The following ORC5 variants were observed in gnomAD, a reference collection of about 807,000 sequenced individuals.
The protein encoded by ORC5 is origin recognition complex subunit 5, also known as protein phosphatase 1, regulatory subunit 117.
A neutral mutation model predicts 58.8 loss-of-function variants in ORC5; 39 were observed. The observed-to-expected ratio is 0.66, with a 90% CI of 0.51 to 0.87. ORC5 has a LOEUF of 0.87. Ranked by LOEUF, ORC5 falls within the 40% of genes least tolerant of loss-of-function variation. ORC5 has a pLI of 0.00. For missense variants in ORC5, 493 were observed against 506.3 expected, an observed-to-expected ratio of 0.97 and a Z score of 0.25; for synonymous variants, 218 against 177.6, an observed-to-expected ratio of 1.23 and a Z score of -1.81.
intron 8 of ORC5, among the ~76,000 whole-genome samples, chr7:104,172,699 G>A (rs933927519): frequency 6.6e-6 from 1 of 152,052 alleles, no homozygotes; most frequent in Non-Finnish European, 1.5e-5. Flanking sequence ...ATCTTCTAAG[G>A]ACTGTTAGAG....
At chr7:104,165,188 A>T (rs764318827) in intron 11 of ORC5, 47 bp downstream of exon 11, 1 of 938,324 alleles carries the variant, frequency 1.1e-6, no homozygotes, top group Non-Finnish European at 1.6e-6. Context: ...TTCCTATATT[A>T]TCTTCATTTC....
At chr7:104,150,080 A>T (rs1317042080) in intron 12 of ORC5, among the ~76,000 whole-genome samples, 2 of 152,120 alleles carry the variant, frequency 1.3e-5, no homozygotes, top group Non-Finnish European at 1.5e-5. Flanking sequence ...TCTGAGAGGC[A>T]GCTACTAACA....
In ORC5 at chr7:104,207,825, T is replaced by C. The variant is rs527372092; in HGVS notation, c.72+8A>G. ...TCCAGGATCTGGAAGACAGTTTAAC[T>C]ACAATACCTCTCCAAACAAGGACTG... On this transcript the variant is annotated splice_region_variant and intron_variant, in intron 1 of 13. Coordinates refer to ENST00000297431, the MANE Select transcript of ORC5 (RefSeq NM_002553.4). 1.9e-6 allele frequency: 3 copies of C among 1,612,772 alleles called. No individual in the cohort carries two copies. Among genetic ancestry groups the C allele is most frequent in the Non-Finnish European group, 2.5e-6 (3 of 1,178,782 alleles).
chr7:104,190,073 AC>A (rs1252926018), intron 5 of ORC5, among the ~76,000 whole-genome samples: 1 of 152,090 alleles, frequency 6.6e-6, no homozygotes, highest in Non-Finnish European at 1.5e-5. Flanking sequence ...GAACAAAAAT[AC>A]CCCACACATT....
intron 12 of ORC5, among the ~76,000 whole-genome samples, chr7:104,154,321 A>C (rs907902301): frequency 6.6e-6 from 1 of 152,064 alleles, no homozygotes; most frequent in African/African-American, 2.4e-5. Context: ...AATATTCAAC[A>C]AACAGGTTTG....
intron 3 of ORC5, among the ~76,000 whole-genome samples, chr7:104,198,926 G>A (rs745630352): frequency 2.0e-5 from 3 of 152,202 alleles, no homozygotes; most frequent in African/African-American, 4.8e-5. Context: ...GGCTAAAAGG[G>A]GCCAGCGTAT....
rs779915853 is a variant in ORC5, at chr7:104,161,175, T to C, written c.1046A>G (p.Asn349Ser). Residue 349 changes from asparagine to serine, a missense_variant, in exon 12 of 14, where the codon AAT (asparagine) becomes AGT (serine). This residue lies in a region of ORC5 where 4 missense variants were observed against 16.6 expected (regional missense o/e 0.24). Coordinates refer to ENST00000297431, the MANE Select transcript of ORC5 (RefSeq NM_002553.4). ...NFLKKHEKTS[N>S]HLLGPKPFPL... is the part of the protein sequence containing the mutation. The stretch of plus-strand genomic sequence containing the variant: ...AAATGGTTTTGGCCCAAGGAGATGA[T>C]TGCTTGTCTGTAAAAAACAAAACAA... 12 of 1,570,700 alleles carry C rather than the reference T, an allele frequency of 7.6e-6. No individual in the cohort carries two copies. The highest frequency in any genetic ancestry group is 4.1e-5 in the African/African-American group (3 of 73,928).
intron 11 of ORC5, among the ~76,000 whole-genome samples, chr7:104,161,748 T>C (rs1799029155): frequency 6.6e-6 from 1 of 152,190 alleles, no homozygotes; most frequent in Non-Finnish European, 1.5e-5. Context: ...TCAACAAATA[T>C]TAATTAAAGA....
chr7:104,197,760 T>C lies in ORC5; in HGVS notation c.406A>G (p.Asn136Asp). 6.3e-7 allele frequency: 1 copy of C among 1,599,990 alleles called. No individual in the cohort carries two copies. The highest frequency in any genetic ancestry group is 8.5e-7 in the Non-Finnish European group (1 of 1,174,642). ...AATCTAAGAAATCCAGGCAAAAGAT[T>C]TGCTTCCATATCTCTTAGATACTCT... ...KAEYLRDMEA[N>D]LLPGFLRLQE... The change falls in exon 4 of 14, where the codon AAT becomes GAT. Residue 136 changes from asparagine to aspartate, a missense_variant. This residue lies in a region of ORC5 where 412 missense variants were observed against 403.7 expected (regional missense o/e 1.02). Coordinates refer to ENST00000297431, the MANE Select transcript of ORC5 (RefSeq NM_002553.4).
intron 2 of ORC5, chr7:104,202,498 A>T (rs556097508): frequency 2.2e-6 from 1 of 456,460 alleles, no homozygotes; most frequent in South Asian, 1.6e-5. Flanking sequence ...CATTTGTACC[A>T]TCCATGACTT....
intron 5 of ORC5, among the ~76,000 whole-genome samples, chr7:104,191,251 C>T (rs1165089008): frequency 6.6e-6 from 1 of 151,536 alleles, no homozygotes; most frequent in Non-Finnish European, 1.5e-5. Flanking sequence ...CTGAAAATTT[C>T]TAAAAGGTAC....
At chr7:104,163,525 T>C (rs1197433488) in intron 11 of ORC5, among the ~76,000 whole-genome samples, 2 of 152,212 alleles carry the variant, frequency 1.3e-5, no homozygotes, top group South Asian at 2.1e-4. Context: ...CTCACTCTGT[T>C]GCCCAGGCTG....
At chr7:104,154,095 T>C (rs1798886694) in intron 12 of ORC5, among the ~76,000 whole-genome samples, 1 of 152,062 alleles carries the variant, frequency 6.6e-6, no homozygotes, top group African/African-American at 2.4e-5. Context: ...TTATGAAGTA[T>C]TTCAAATATA....
chr7:104,129,128 G>A lies in ORC5; in HGVS notation c.1263-2235C>T, dbSNP rs1019792405. On this transcript the variant is annotated intron_variant, in intron 13 of 13. Coordinates refer to ENST00000297431, the MANE Select transcript of ORC5 (RefSeq NM_002553.4). This position sits in a 1 kb window ranked among gnomAD's most constrained non-coding sequence, Gnocchi z 4.9. Reference sequence around the variant, plus strand: ...GGCTGCAGAGAAATGTTTGTCTAATGGACTAGTACTAGAAGAGCACAAATA... The same window carrying A: ...GGCTGCAGAGAAATGTTTGTCTAATAGACTAGTACTAGAAGAGCACAAATA... Among the ~76,000 whole-genome samples, 2 of 152,080 alleles carry A rather than the reference G, an allele frequency of 1.3e-5. No individual in the cohort carries two copies. The highest frequency in any genetic ancestry group is 4.8e-5 in the African/African-American group (2 of 41,404).
chr7:104,139,899 A>G (rs939972546), intron 12 of ORC5, among the ~76,000 whole-genome samples: 1 of 151,980 alleles, frequency 6.6e-6, no homozygotes, highest in Admixed American at 6.5e-5. Flanking sequence ...AAACTGAGAG[A>G]GGTATTAAAA....
chr7:104,143,921 T>A (rs866100878), intron 12 of ORC5, among the ~76,000 whole-genome samples: 2 of 151,866 alleles, frequency 1.3e-5, no homozygotes, highest in Non-Finnish European at 2.9e-5. Flanking sequence ...GAGTTTCAGA[T>A]CAGCCTGGCC....
chr7:104,166,735 TTAAAAAA>T (rs1258963810), intron 10 of ORC5, 30 bp downstream of exon 10: 8 of 1,152,736 alleles, frequency 6.9e-6, no homozygotes, highest in Non-Finnish European at 9.0e-6. Context: ...TCCTGGGATC[TTAAAAAA>T]TAAAGTGAAA....
Position 104,200,749 on chromosome 7 carries a change from ATTAC to A in ORC5, c.366+5_366+8del. 3 of 1,492,774 alleles carry A rather than the reference ATTAC, an allele frequency of 2.0e-6. No homozygotes were observed. Among genetic ancestry groups the A allele is most frequent in the South Asian group, 2.3e-5 (2 of 85,958 alleles). The allele number at this position is 1,492,774 out of a possible 1,614,324, so 92.5% of individuals were successfully genotyped here. On this transcript the variant is annotated splice_donor_5th_base_variant and intron_variant, in intron 3 of 13. Coordinates refer to ENST00000297431, the MANE Select transcript of ORC5 (RefSeq NM_002553.4). ...ATAAGAGATGATCTAATCAAATGAA[ATTAC>A]TTACAATATATACAGTCTGATCTTT...
At chr7:104,169,707 T>A (rs1276332457) in intron 8 of ORC5, among the ~76,000 whole-genome samples, 2 of 152,154 alleles carry the variant, frequency 1.3e-5, no homozygotes, top group African/African-American at 4.8e-5. Context: ...TGAGTATACT[T>A]TAAAAAAAGT....
Sources: allele counts gnomAD v4.1 joint callset (sites outside exome capture counted in the v4.1 genomes callset), GRCh38; gene constraint gnomAD v4.1.1; regional missense constraint gnomAD v4.1.1; non-coding constraint Gnocchi (gnomAD v3.1); transcripts MANE v1.5; gene names NCBI Gene and HGNC (gene_info 2026-07-23, HGNC 2026-07-21).